RPS6KC1: variants seen among roughly 807,000 people sequenced by gnomAD.
RPS6KC1 encodes the protein ribosomal protein S6 kinase C1, also known as inactive ribosomal protein S6 kinase delta-1.
Under a neutral mutation model 103.8 loss-of-function variants are expected in RPS6KC1, and 54 were observed. That is an observed-to-expected ratio of 0.52 (90% CI 0.42 to 0.65). The LOEUF (loss-of-function observed/expected upper bound fraction) is 0.65. Ranked by LOEUF, RPS6KC1 falls within the 30% of genes least tolerant of loss-of-function variation. RPS6KC1 has a pLI of 0.00. For missense variants in RPS6KC1, 1,151 were observed against 1,253.8 expected (o/e 0.92, Z 1.24); for synonymous variants, 439 against 438.7 (o/e 1.00, Z -0.01).
chr1:213,333,884 G>A, the RPS6KC1 span, among the ~76,000 whole-genome samples: 9 of 152,138 alleles, frequency 5.9e-5, no homozygotes, highest in African/African-American at 1.2e-4. Flanking sequence ...CTTTCACAAT[G>A]TTGGCCAGGC....
At chr1:213,557,273 C>T in the RPS6KC1 span, among the ~76,000 whole-genome samples, 1 of 152,166 alleles carries the variant, frequency 6.6e-6, no homozygotes, top group African/African-American at 2.4e-5. Context: ...TTCATCAACC[C>T]AGAATTCTTG....
downstream of RPS6KC1, among the ~76,000 whole-genome samples, chr1:213,277,646 G>T (rs1475174950): frequency 2.0e-5 from 3 of 152,200 alleles, no homozygotes; most frequent in African/African-American, 7.2e-5. Flanking sequence ...TTTTAGGAAA[G>T]AATTAATTGA....
chr1:213,250,011 A>G (rs2094517980), intron 12 of RPS6KC1, among the ~76,000 whole-genome samples: 1 of 152,190 alleles, frequency 6.6e-6, no homozygotes, highest in Admixed American at 6.5e-5. Flanking sequence ...GTGGAATTAG[A>G]CATGTAGCCA....
the RPS6KC1 span, among the ~76,000 whole-genome samples, chr1:213,461,173 C>T: frequency 1.3e-5 from 2 of 152,092 alleles, no homozygotes; most frequent in East Asian, 1.9e-4. Flanking sequence ...GAGTAAACTC[C>T]CATTCACAAT....
chr1:213,244,929 A>T (rs542827398), intron 12 of RPS6KC1, among the ~76,000 whole-genome samples: 2 of 152,296 alleles, frequency 1.3e-5, no homozygotes, highest in East Asian at 3.9e-4. Context: ...AAAGTGTTCT[A>T]GTGTTGTGGC....
rs775621948 is a variant in RPS6KC1 at position 213,241,971 on chromosome 1, T to C, written c.2495T>C (p.Ile832Thr). 1.9e-6 allele frequency: 3 copies of C among 1,614,046 alleles called. No homozygotes were observed. The highest frequency in any genetic ancestry group is 2.2e-5 in the South Asian group (2 of 91,076). Residue 832 changes from isoleucine (I) to threonine (T), a missense_variant, in exon 11 of 15, where the codon ATT (isoleucine) becomes ACT (threonine). Coordinates refer to ENST00000366960, the MANE Select transcript of RPS6KC1 (RefSeq NM_012424.6). ...CSPLSGANEY[I>T]ASTDTLKTEE... Reference sequence around the variant, plus strand: ...CCACTCTCAGGTGCTAATGAATATATTGCAAGCACAGACACTTTAAAAACA... The same window carrying C: ...CCACTCTCAGGTGCTAATGAATATACTGCAAGCACAGACACTTTAAAAACA...
At chr1:213,115,520 AT>A (rs1165085172) in intron 4 of RPS6KC1, among the ~76,000 whole-genome samples, 4 of 152,042 alleles carry the variant, frequency 2.6e-5, no homozygotes, top group African/African-American at 9.7e-5. Flanking sequence ...GGATTCATTA[AT>A]TTTTTGAAGG....
the RPS6KC1 span, among the ~76,000 whole-genome samples, chr1:213,469,276 CAG>C: frequency 6.6e-6 from 1 of 152,148 alleles, no homozygotes; most frequent in Non-Finnish European, 1.5e-5. Flanking sequence ...AACCTGAAAA[CAG>C]TAATTATTGC....
chr1:213,184,650 G>A (rs1027222276), intron 8 of RPS6KC1, among the ~76,000 whole-genome samples: 5 of 151,642 alleles, frequency 3.3e-5, no homozygotes, highest in African/African-American at 1.2e-4. Flanking sequence ...TTTTCTCTTA[G>A]TGCTGATTTT....
chr1:213,526,025 A>G, the RPS6KC1 span, among the ~76,000 whole-genome samples: 1 of 152,180 alleles, frequency 6.6e-6, no homozygotes, highest in African/African-American at 2.4e-5. Flanking sequence ...GATTTTTAAA[A>G]AATGGGAGAT....
the RPS6KC1 span, among the ~76,000 whole-genome samples, chr1:213,417,868 C>A: frequency 1.3e-5 from 2 of 152,194 alleles, no homozygotes; most frequent in Admixed American, 1.3e-4. Flanking sequence ...GTGTTGTTTC[C>A]CTGAACCTTA....
At chr1:213,496,312 CT>C in the RPS6KC1 span, among the ~76,000 whole-genome samples, 3 of 152,054 alleles carry the variant, frequency 2.0e-5, no homozygotes, top group Non-Finnish European at 2.9e-5. Context: ...ACAAAATGTG[CT>C]TTGCAAGAGA....
the RPS6KC1 span, among the ~76,000 whole-genome samples, chr1:213,292,747 A>G: frequency 6.6e-6 from 1 of 152,344 alleles, no homozygotes; most frequent in South Asian, 2.1e-4. Flanking sequence ...AAATTCACAT[A>G]ATTATTAAGA....
At chr1:213,051,557 G>C in intron 1 of RPS6KC1, 48 bp downstream of exon 1, 1 of 1,375,998 alleles carries the variant, frequency 7.3e-7, no homozygotes, top group South Asian at 1.2e-5. Context: ...GGGACCTGAG[G>C]ATCTGGGGTG....
chr1:213,620,938 AC>A, the RPS6KC1 span, among the ~76,000 whole-genome samples: 2 of 152,162 alleles, frequency 1.3e-5, no homozygotes, highest in Non-Finnish European at 2.9e-5. Context: ...CCATTGGCTA[AC>A]TCATTGTCCA....
chr1:213,477,298 C>A, the RPS6KC1 span, among the ~76,000 whole-genome samples: 1 of 151,322 alleles, frequency 6.6e-6, no homozygotes, highest in African/African-American at 2.4e-5. Context: ...AGTTCAAAAT[C>A]CTTTTATTAA....
At chr1:213,521,023 AT>A in the RPS6KC1 span, among the ~76,000 whole-genome samples, 1 of 152,212 alleles carries the variant, frequency 6.6e-6, no homozygotes, top group East Asian at 1.9e-4. Flanking sequence ...AATATATGAT[AT>A]GAATACACAT....
the RPS6KC1 span, among the ~76,000 whole-genome samples, chr1:213,476,334 A>T: frequency 6.6e-6 from 1 of 152,156 alleles, no homozygotes; most frequent in African/African-American, 2.4e-5. Flanking sequence ...CCACACAGGT[A>T]GTCGTTGCCA....
At chr1:213,623,323 G>A in the RPS6KC1 span, among the ~76,000 whole-genome samples, 2 of 152,232 alleles carry the variant, frequency 1.3e-5, no homozygotes, top group South Asian at 2.1e-4. Flanking sequence ...TTGCGGAACC[G>A]TGTATTAATA....
Sources: allele counts gnomAD v4.1 joint callset (sites outside exome capture counted in the v4.1 genomes callset), GRCh38; gene constraint gnomAD v4.1.1; transcripts MANE v1.5; gene names NCBI Gene and HGNC (gene_info 2026-07-23, HGNC 2026-07-21).